The following JPH3 variants were observed in gnomAD, a reference collection of about 807,000 sequenced individuals.
JPH3 encodes the protein junctophilin 3.
A neutral mutation model predicts 59.6 loss-of-function variants in JPH3; 11 were observed. The observed-to-expected ratio is 0.18, with a 90% CI of 0.12 to 0.31. The LOEUF is 0.31. Among genes scored for constraint, JPH3 ranks in the 10% least tolerant of loss-of-function variants. JPH3 has a pLI of 1.00. For synonymous variants in JPH3, 673 were observed against 483.6 expected (o/e 1.39, Z -5.14); for missense variants, 1,202 against 1,105.7 (o/e 1.09, Z -1.24).
At position 87,638,714 on chromosome 16, in the gene JPH3, A is replaced by T. The variant is rs182175345; in HGVS notation, c.383-5544A>T. On this transcript the variant is annotated intron_variant, in intron 1 of 4. Transcript: ENST00000284262. Reference sequence around the variant, plus strand: ...GAGCCAGTGTTGGCCTCTGGTCTCCATGTCTGTAGAGAGGCTTCTCTGCTT... The same window carrying T: ...GAGCCAGTGTTGGCCTCTGGTCTCCTTGTCTGTAGAGAGGCTTCTCTGCTT... Among the ~76,000 whole-genome samples, 5 of 152,214 alleles carry T rather than the reference A, an allele frequency of 3.3e-5. No homozygotes were observed. In the East Asian group the frequency reaches 9.6e-4, roughly 29 times the overall value.
intron 1 of JPH3, among the ~76,000 whole-genome samples, chr16:87,627,914 AC>A (rs544339978): frequency 6.0e-4 from 91 of 152,044 alleles, no homozygotes; most frequent in African/African-American, 2.0e-3. Flanking sequence ...GTTTCCACTA[AC>A]CCTGCTGTCT....
chr16:87,633,997 G>A (rs1334316851), intron 1 of JPH3, among the ~76,000 whole-genome samples: 2 of 152,128 alleles, frequency 1.3e-5, no homozygotes, highest in South Asian at 2.1e-4. Flanking sequence ...GGAGCGACCC[G>A]AATACCTTGC....
At chr16:87,669,863 A>T (rs1424614094) in intron 2 of JPH3, among the ~76,000 whole-genome samples, 3 of 151,876 alleles carry the variant, frequency 2.0e-5, no homozygotes, top group African/African-American at 7.3e-5. Context: ...AGGGGACCGG[A>T]GGAGCAGAGA....
At chr16:87,623,017 C>G (rs1204122203) in intron 1 of JPH3, among the ~76,000 whole-genome samples, 2 of 152,132 alleles carry the variant, frequency 1.3e-5, no homozygotes, top group Non-Finnish European at 2.9e-5. Context: ...TGGAGGTCGG[C>G]TGTGGGCAGG....
chr16:87,609,990 A>G (rs1034914245), intron 1 of JPH3, among the ~76,000 whole-genome samples: 4 of 152,206 alleles, frequency 2.6e-5, no homozygotes, highest in Non-Finnish European at 4.4e-5. Context: ...TTGTTTTCCT[A>G]CAACTAGACG....
intron 4 of JPH3, among the ~76,000 whole-genome samples, chr16:87,691,338 A>G (rs1219609681): frequency 1.3e-5 from 2 of 152,162 alleles, no homozygotes; most frequent in East Asian, 1.9e-4. Context: ...CGGTGGCTAC[A>G]TAGGATCTGC....
At chr16:87,685,752 C>T (rs1413930830) in intron 3 of JPH3, among the ~76,000 whole-genome samples, 2 of 152,274 alleles carry the variant, frequency 1.3e-5, no homozygotes, top group African/African-American at 4.8e-5. Flanking sequence ...CTGCGACTCA[C>T]ATTCCACTGC....
chr16:87,664,653 C>T (rs1029619122), intron 2 of JPH3, among the ~76,000 whole-genome samples: 7 of 152,206 alleles, frequency 4.6e-5, no homozygotes, highest in African/African-American at 1.4e-4. Flanking sequence ...CGTCCGTCTC[C>T]TCGGCGAGTG....
chr16:87,657,613 C>G (rs527695033), intron 2 of JPH3, among the ~76,000 whole-genome samples: 2 of 152,200 alleles, frequency 1.3e-5, no homozygotes, highest in Non-Finnish European at 2.9e-5. Context: ...ACTCATTTCT[C>G]TCAAGTACCA....
chr16:87,652,909 A>G (rs764346523), intron 2 of JPH3, among the ~76,000 whole-genome samples: 4 of 152,218 alleles, frequency 2.6e-5, no homozygotes, highest in Admixed American at 1.3e-4. Flanking sequence ...CACTACAGAC[A>G]CAGCTAATTG....
chr16:87,686,967 C>T (rs1463410328), intron 3 of JPH3, among the ~76,000 whole-genome samples: 1 of 152,226 alleles, frequency 6.6e-6, no homozygotes, highest in Non-Finnish European at 1.5e-5. Flanking sequence ...CTGAGCACCT[C>T]GGTCCGATCT....
At chr16:87,627,714 G>T (rs1040231936) in intron 1 of JPH3, among the ~76,000 whole-genome samples, 1 of 152,218 alleles carries the variant, frequency 6.6e-6, no homozygotes, top group African/African-American at 2.4e-5. Flanking sequence ...AGAAGTCAAG[G>T]ACTTCTGTCT....
chr16:87,659,148 C>T (rs892157426), intron 2 of JPH3, among the ~76,000 whole-genome samples: 9 of 152,118 alleles, frequency 5.9e-5, no homozygotes, highest in East Asian at 3.9e-4. Context: ...CCAAAGCAGG[C>T]GGATCACTTG....
At chr16:87,605,380 G>A (rs1031881640) in intron 1 of JPH3, among the ~76,000 whole-genome samples, 1 of 152,156 alleles carries the variant, frequency 6.6e-6, no homozygotes, top group Admixed American at 6.5e-5. Flanking sequence ...GGTGTGCCAG[G>A]CTCTGGGAAA....
Position 87,689,992 on chromosome 16 carries a change from C to T in JPH3, c.1632C>T (p.Ser544=), listed in dbSNP as rs924968124. ...CCGGGGGCTCCAGGGGTGTCCGCAG[C>T]GGTGCCCTGCGCGGCGGCCTGCTCG... ...EQAGGSRGVR[S]GALRGGLLVD... is the part of the protein sequence containing the mutation. The change falls in exon 4 of 5, where the codon AGC becomes AGT. Residue 544 remains serine, a synonymous_variant. Transcript: ENST00000284262. The T allele has an allele frequency of 3.4e-6, 5 of 1,490,984 alleles. No individual in the cohort carries two copies. The African/African-American group carries it at 5.6e-5, about 17-fold the overall frequency. The allele number at this position is 1,490,984 out of a possible 1,614,324, so 92.4% of individuals were successfully genotyped here.
rs116054914 is a variant in JPH3 at position 87,648,735 on chromosome 16, C to A, written c.1160+3700C>A. Among the ~76,000 whole-genome samples the A allele has an allele frequency of 3.7e-3, 556 of 152,314 alleles. 6 individuals are homozygous for A. Among genetic ancestry groups the A allele is most frequent in the African/African-American group, 0.012 (514 of 41,566 alleles). On this transcript the variant is annotated intron_variant, in intron 2 of 4. Transcript: ENST00000284262. The stretch of plus-strand genomic sequence containing the variant: ...GGTTCTAAGGCACAGGATGGATACC[C>A]TCCTCGGCCATGTGACATCATTGTT...
intron 1 of JPH3, among the ~76,000 whole-genome samples, chr16:87,627,676 C>T (rs2031427252): frequency 6.6e-6 from 1 of 152,158 alleles, no homozygotes; most frequent in African/African-American, 2.4e-5. Context: ...TTATCCCCAT[C>T]TTACAGTATG....
chr16:87,672,336 G>A (rs1413182061), intron 2 of JPH3, among the ~76,000 whole-genome samples: 3 of 152,170 alleles, frequency 2.0e-5, no homozygotes, highest in African/African-American at 2.4e-5. Flanking sequence ...CCAGGCTAAC[G>A]GGCTTCTCTC....
rs1250500185 is a variant in JPH3, at chr16:87,697,595, T to C, written c.*935T>C. 6.6e-6 allele frequency: 1 copy of C among 152,274 alleles called. No individual in the cohort carries two copies. Among genetic ancestry groups the C allele is most frequent in the Admixed American group, 6.5e-5 (1 of 15,290 alleles). The allele number at this position is 152,274 out of a possible 1,614,324, so 9.4% of individuals were successfully genotyped here. On this transcript the variant is annotated 3_prime_UTR_variant, in exon 5 of 5. Coordinates refer to ENST00000284262, the MANE Select transcript of JPH3 (RefSeq NM_020655.4). ...GGACGCCTTCTCCCATGGTTACTGA[T>C]CTCCACGGGTTTTCACATCTCTGTA...
Sources: allele counts gnomAD v4.1 joint callset (sites outside exome capture counted in the v4.1 genomes callset), GRCh38; gene constraint gnomAD v4.1.1; transcripts MANE v1.5; gene names NCBI Gene and HGNC (gene_info 2026-07-23, HGNC 2026-07-21).